PRDM5: variants seen among roughly 807,000 people sequenced by gnomAD.
PRDM5 encodes the protein PR/SET domain 5.
A neutral mutation model predicts 81.2 loss-of-function variants in PRDM5; 56 were observed. That is an observed-to-expected ratio of 0.69 (90% CI 0.56 to 0.86). PRDM5 has a LOEUF of 0.86. Among genes scored for constraint, PRDM5 ranks in the 40% least tolerant of loss-of-function variants. PRDM5 has a pLI of 0.00. For synonymous variants in PRDM5, 267 were observed against 256.4 expected (o/e 1.04, Z -0.39); for missense variants, 697 against 770.1 (o/e 0.91, Z 1.12).
At chr4:120,891,533 T>C in intron 2 of PRDM5, among the ~76,000 whole-genome samples, 1 of 152,198 alleles carries the variant, frequency 6.6e-6, no homozygotes. Context: ...TTTCCTACCA[T>C]TCAAATCTGA....
intron 1 of PRDM5, among the ~76,000 whole-genome samples, chr4:120,915,371 G>C (rs1377471271): frequency 6.6e-6 from 1 of 152,188 alleles, no homozygotes; most frequent in African/African-American, 2.4e-5. Flanking sequence ...TGAAGGTATA[G>C]AACTACAGCA....
At chr4:120,748,154 G>T (rs1258235517) in intron 14 of PRDM5, among the ~76,000 whole-genome samples, 1 of 152,164 alleles carries the variant, frequency 6.6e-6, no homozygotes, top group Non-Finnish European at 1.5e-5. Context: ...TGAGGCACTG[G>T]ACACAAAGAG....
chr4:120,740,319 T>C (rs1334951282), intron 14 of PRDM5, among the ~76,000 whole-genome samples: 1 of 152,238 alleles, frequency 6.6e-6, no homozygotes, highest in Admixed American at 6.5e-5. Context: ...TCCATATTCA[T>C]AATAAACTAT....
chr4:120,770,415 T>C (rs1176543013), intron 13 of PRDM5, among the ~76,000 whole-genome samples: 1 of 152,090 alleles, frequency 6.6e-6, no homozygotes, highest in Non-Finnish European at 1.5e-5. Flanking sequence ...TCACTTAGGT[T>C]TAATATTTAT....
chr4:120,849,899 T>C lies in PRDM5; in HGVS notation c.300+3519A>G, dbSNP rs147487477. On this transcript the variant is annotated intron_variant, in intron 3 of 15. Transcript: ENST00000264808. ...CACATTTAGAATTTTCTAGCCATAGTTGGAAACTTTTCAGAAGTCTGAACA... is the reference window on the plus strand; with the variant it reads ...CACATTTAGAATTTTCTAGCCATAGCTGGAAACTTTTCAGAAGTCTGAACA... Among the ~76,000 whole-genome samples the C allele has an allele frequency of 3.2e-4, 48 of 152,284 alleles. No homozygotes were observed. The East Asian group carries it at 5.8e-3, about 18-fold the overall frequency.
Position 120,849,995 on chromosome 4 carries a change from TA to T in PRDM5, c.300+3422del, listed in dbSNP as rs1759079099. On this transcript the variant is annotated intron_variant, in intron 3 of 15. Coordinates refer to ENST00000264808, the MANE Select transcript of PRDM5 (RefSeq NM_018699.4). Reference sequence around the variant, plus strand: ...GTTTGCTTACTAGATCCGTCTTTGATAATTCAGATACTTAAGTCATCATTTG... The same window carrying T: ...GTTTGCTTACTAGATCCGTCTTTGATATTCAGATACTTAAGTCATCATTTG... 2.6e-5 allele frequency among the ~76,000 whole-genome samples: 4 copies of T among 152,142 alleles called. No individual in the cohort carries two copies. The South Asian group carries it at 8.3e-4, about 32-fold the overall frequency.
At chr4:120,764,060 T>TTTTCCTTTTATTTTCCA (rs1746022708) in intron 13 of PRDM5, among the ~76,000 whole-genome samples, 1 of 151,948 alleles carries the variant, frequency 6.6e-6, no homozygotes, top group South Asian at 2.1e-4. Context: ...AAGCACAAAT[T>TTTTCCTTTTATTTTCCA]AGGGGAAATC....
chr4:120,707,060 C>T (rs891285723), intron 15 of PRDM5, among the ~76,000 whole-genome samples: 1 of 151,930 alleles, frequency 6.6e-6, no homozygotes, highest in African/African-American at 2.4e-5. Flanking sequence ...TTCCCCAACT[C>T]ATTCTGTAAG....
At chr4:120,909,373 A>AC (rs1307350107) in intron 1 of PRDM5, among the ~76,000 whole-genome samples, 1 of 152,156 alleles carries the variant, frequency 6.6e-6, no homozygotes, top group Non-Finnish European at 1.5e-5. Flanking sequence ...TACATTGACT[A>AC]CTGAATTGAA....
chr4:120,918,678 A>G (rs931020029), intron 1 of PRDM5, among the ~76,000 whole-genome samples: 2 of 148,248 alleles, frequency 1.3e-5, no homozygotes, highest in African/African-American at 5.0e-5. Flanking sequence ...TACCTCACCA[A>G]ATGACCTTAG....
chr4:120,701,148 C>CAA (rs140302851), intron 15 of PRDM5, among the ~76,000 whole-genome samples: 1 of 138,532 alleles, frequency 7.2e-6, no homozygotes, highest in African/African-American at 2.8e-5. Flanking sequence ...AAAAAACAAA[C>CAA]AAAAAAAAAA....
chr4:120,903,706 T>C (rs754621816), intron 2 of PRDM5, among the ~76,000 whole-genome samples: 9 of 152,166 alleles, frequency 5.9e-5, no homozygotes, highest in African/African-American at 9.7e-5. Flanking sequence ...AATTAAATCA[T>C]TGGGGCAGTT....
chr4:120,811,365 C>G lies in PRDM5; in HGVS notation c.945+5G>C. The G allele has an allele frequency of 1.3e-6, 2 of 1,565,194 alleles. No individual in the cohort carries two copies. Among genetic ancestry groups the G allele is most frequent in the Non-Finnish European group, 1.8e-6 (2 of 1,139,400 alleles). On this transcript the variant is annotated splice_donor_5th_base_variant and intron_variant, in intron 8 of 15. Coordinates refer to ENST00000264808, the MANE Select transcript of PRDM5 (RefSeq NM_018699.4). ...TAAACTGTGATGAATTTTTATCTTACTGACCTTTCTATGTTCCTGTAGGCT... is the reference window on the plus strand; with the variant it reads ...TAAACTGTGATGAATTTTTATCTTAGTGACCTTTCTATGTTCCTGTAGGCT...
chr4:120,758,907 C>T (rs1437943818), intron 13 of PRDM5, among the ~76,000 whole-genome samples: 2 of 152,088 alleles, frequency 1.3e-5, no homozygotes, highest in African/African-American at 2.4e-5. Flanking sequence ...AGGTGCCCGC[C>T]ACCACGCCTG....
In PRDM5 at chr4:120,695,058, T is replaced by C; in HGVS notation, c.*53A>G. The stretch of plus-strand genomic sequence containing the variant: ...TTATGCTGATCAGGTGATAAAAATC[T>C]GGGATTCATATTAGGAGCCCTTCTG... On this transcript the variant is annotated 3_prime_UTR_variant, in exon 16 of 16. Coordinates refer to ENST00000264808, the MANE Select transcript of PRDM5 (RefSeq NM_018699.4). 1.3e-6 allele frequency: 2 copies of C among 1,567,156 alleles called. No homozygotes were observed. The highest frequency in any genetic ancestry group is 1.8e-6 in the Non-Finnish European group (2 of 1,138,430).
chr4:120,853,969 G>A (rs546020071), intron 2 of PRDM5, among the ~76,000 whole-genome samples: 1 of 152,100 alleles, frequency 6.6e-6, no homozygotes, highest in Non-Finnish European at 1.5e-5. Context: ...TTCCTCTCTG[G>A]ACCTGCTTAC....
intron 11 of PRDM5, 63 bp from the exon 12 acceptor site, chr4:120,781,366 A>T: frequency 6.9e-7 from 1 of 1,456,160 alleles, no homozygotes; most frequent in South Asian, 1.2e-5. Flanking sequence ...CCTCCCATGT[A>T]TGCCAGACTT....
At chr4:120,777,833 C>A (rs958511983) in intron 12 of PRDM5, among the ~76,000 whole-genome samples, 4 of 152,062 alleles carry the variant, frequency 2.6e-5, no homozygotes, top group Non-Finnish European at 4.4e-5. Flanking sequence ...CATATTTCTG[C>A]CCTCAACATG....
chr4:120,741,579 A>ACGAGC (rs1741973877), intron 14 of PRDM5, among the ~76,000 whole-genome samples: 1 of 151,966 alleles, frequency 6.6e-6, no homozygotes, highest in South Asian at 2.1e-4. Flanking sequence ...CGCACTGTGC[A>ACGAGC]CGAGCCGAAG....
Sources: allele counts gnomAD v4.1 joint callset (sites outside exome capture counted in the v4.1 genomes callset), GRCh38; gene constraint gnomAD v4.1.1; transcripts MANE v1.5; gene names NCBI Gene and HGNC (gene_info 2026-07-23, HGNC 2026-07-21).